ESRRG: variants seen among roughly 807,000 people sequenced by gnomAD.
ESRRG encodes the protein estrogen related receptor gamma.
Under a neutral mutation model 44.0 loss-of-function variants are expected in ESRRG, and 13 were observed. The observed-to-expected ratio is 0.30, with a 90% CI of 0.19 to 0.47. The LOEUF is 0.47. ESRRG is among the 20% of genes least tolerant of loss of function. ESRRG has a pLI of 1.00. For missense variants in ESRRG, 395 were observed against 580.6 expected (o/e 0.68, Z 3.29); for synonymous variants, 215 against 214.6 (o/e 1.00, Z -0.02).
chr1:216,821,839 G>C lies in ESRRG; in HGVS notation c.-14+117743C>G, dbSNP rs184716097. ...ATGCCTATCTCACTTGTGTCTTACA[G>C]TGCTATTTTCTGGTGGATAGTATTA... On this transcript the variant is annotated intron_variant, in intron 2 of 7. Coordinates refer to the ESRRG transcript ENST00000359162. 1.3e-3 allele frequency among the ~76,000 whole-genome samples: 190 copies of C among 151,668 alleles called. 2 individuals are homozygous for C. Among genetic ancestry groups the C allele is most frequent in the Admixed American group, 3.3e-3 (50 of 15,194 alleles).
intron 2 of ESRRG, among the ~76,000 whole-genome samples, chr1:216,829,549 G>GTTTTTTTTTTTT (rs66515526): frequency 2.9e-5 from 4 of 135,634 alleles, no homozygotes; most frequent in Non-Finnish European, 4.8e-5. Context: ...AAATGCCACA[G>GTTTTTTTTTTTT]TTTTTTTTTT....
chr1:216,870,512 G>A (rs1251744622), intron 2 of ESRRG, among the ~76,000 whole-genome samples: 1 of 151,684 alleles, frequency 6.6e-6, no homozygotes, highest in East Asian at 1.9e-4. Context: ...TTACTCTTCT[G>A]GCCTCGTAAA....
chr1:217,089,774 G>T (rs976368902), upstream of ESRRG: 2 of 152,088 alleles, frequency 1.3e-5, no homozygotes, highest in Admixed American at 6.6e-5. Flanking sequence ...GTCCCGAGCG[G>T]CTGTGCACTC....
intron 2 of ESRRG, among the ~76,000 whole-genome samples, chr1:216,821,971 G>A (rs2148627193): frequency 6.6e-6 from 1 of 151,844 alleles, no homozygotes; most frequent in Middle Eastern, 3.4e-3. Flanking sequence ...ATGTCCCTAG[G>A]TAACTCTCCA....
intron 5 of ESRRG, among the ~76,000 whole-genome samples, chr1:216,543,194 C>T (rs2053424133): frequency 6.6e-6 from 1 of 151,968 alleles, no homozygotes; most frequent in South Asian, 2.1e-4. Context: ...TTGCCTGCAG[C>T]ACTGTACTAT....
chr1:217,053,185 T>C (rs1012559475), intron 1 of ESRRG, among the ~76,000 whole-genome samples: 1 of 138,766 alleles, frequency 7.2e-6, no homozygotes, highest in South Asian at 2.4e-4. Context: ...CTGGGCAGGG[T>C]GGCTCATGCC....
intron 6 of ESRRG, among the ~76,000 whole-genome samples, chr1:216,515,067 T>A (rs2043822566): frequency 2.0e-5 from 3 of 151,888 alleles, no homozygotes; most frequent in Non-Finnish European, 4.4e-5. Flanking sequence ...CAATCTAAAA[T>A]TTTCAGGCCA....
chr1:216,530,528 G>T (rs1213713092), intron 5 of ESRRG, among the ~76,000 whole-genome samples: 1 of 152,126 alleles, frequency 6.6e-6, no homozygotes, highest in Non-Finnish European at 1.5e-5. Flanking sequence ...AGATCTTTGT[G>T]TAACTGTTTT....
chr1:216,547,410 C>T (rs996041330), intron 5 of ESRRG, among the ~76,000 whole-genome samples: 1 of 152,000 alleles, frequency 6.6e-6, no homozygotes, highest in African/African-American at 2.4e-5. Flanking sequence ...CAAATTTTTT[C>T]CATCACTGCT....
chr1:216,911,473 T>C (rs934381291), intron 2 of ESRRG, among the ~76,000 whole-genome samples: 1 of 152,170 alleles, frequency 6.6e-6, no homozygotes, highest in Non-Finnish European at 1.5e-5. Flanking sequence ...ACACAAAGGA[T>C]ATTTAGGGCA....
chr1:216,735,060 C>T (rs1438394706), intron 2 of ESRRG, among the ~76,000 whole-genome samples: 1 of 151,872 alleles, frequency 6.6e-6, no homozygotes, highest in Non-Finnish European at 1.5e-5. Flanking sequence ...AGGTGCCTGC[C>T]ACCACATCTG....
At chr1:216,642,106 T>G (rs558551888) in intron 3 of ESRRG, among the ~76,000 whole-genome samples, 1 of 152,224 alleles carries the variant, frequency 6.6e-6, no homozygotes, top group Non-Finnish European at 1.5e-5. Context: ...AATAACTACA[T>G]TAAATAAATG....
At chr1:217,104,069 T>G (rs1349185090) in intron 1 of ESRRG, among the ~76,000 whole-genome samples, 1 of 152,192 alleles carries the variant, frequency 6.6e-6, no homozygotes, top group Admixed American at 6.5e-5. Flanking sequence ...AGAACAGAGC[T>G]TGGCACCCAA....
At chr1:216,854,001 C>T (rs990400685) in intron 2 of ESRRG, among the ~76,000 whole-genome samples, 9 of 152,102 alleles carry the variant, frequency 5.9e-5, no homozygotes, top group Admixed American at 5.2e-4. Flanking sequence ...ACAATGCCAT[C>T]AATTACTTTG....
intron 2 of ESRRG, among the ~76,000 whole-genome samples, chr1:216,833,332 A>G (rs1400690034): frequency 6.6e-6 from 1 of 152,250 alleles, no homozygotes; most frequent in Non-Finnish European, 1.5e-5. Flanking sequence ...AAATCAATTT[A>G]GTCATAAGAA....
intron 1 of ESRRG, among the ~76,000 whole-genome samples, chr1:217,068,490 A>G (rs2090098088): frequency 6.6e-6 from 1 of 152,000 alleles, no homozygotes; most frequent in East Asian, 1.9e-4. Flanking sequence ...CTAGATCTAG[A>G]TGTCAGAAAA....
At chr1:217,078,332 G>T (rs2091484929) in intron 1 of ESRRG, 1 of 152,292 alleles carries the variant, frequency 6.6e-6, no homozygotes, top group South Asian at 2.1e-4. Context: ...TGCTTTAAAT[G>T]TGCTGGTTGA....
At chr1:216,847,627 G>A (rs773106177) in intron 2 of ESRRG, among the ~76,000 whole-genome samples, 20 of 152,088 alleles carry the variant, frequency 1.3e-4, no homozygotes, top group Non-Finnish European at 2.5e-4. Context: ...CAGCAGAGCA[G>A]TTCTCATTAT....
intron 1 of ESRRG, among the ~76,000 whole-genome samples, chr1:216,987,284 A>G (rs2075026233): frequency 6.6e-6 from 1 of 152,234 alleles, no homozygotes. Flanking sequence ...GAAAAAGAGC[A>G]TGCTTCCATG....
Sources: gnomAD v4.1 joint callset for allele counts (sites outside exome capture counted in the v4.1 genomes callset) on GRCh38, gnomAD v4.1.1 for gene constraint, MANE v1.5 for transcripts, NCBI Gene and HGNC (gene_info 2026-07-23, HGNC 2026-07-21) for gene names.